NUDT1: variants seen among roughly 807,000 people sequenced by gnomAD.
NUDT1 encodes nudix hydrolase 1, also known as oxidized purine nucleoside triphosphate hydrolase.
NUDT1 carries 16 observed loss-of-function variants against 11.3 expected under a neutral mutation model. The observed-to-expected ratio is 1.41, with a 90% CI of 0.96 to 2.15. The LOEUF (loss-of-function observed/expected upper bound fraction) is 2.15, where lower values mean the gene tolerates loss of function less well. Ranked by LOEUF, NUDT1 falls within the 30% of genes most tolerant of loss-of-function variation. NUDT1 has a pLI of 0.00. For synonymous variants in NUDT1, 101 were observed against 84.4 expected (o/e 1.20, Z -1.08); for missense variants, 234 against 208.4 (o/e 1.12, Z -0.76).
At position 2,246,740 on chromosome 7, in the gene NUDT1, A is replaced by AG. The variant is rs903801424; in HGVS notation, c.152+2021dup. 7.7e-4 allele frequency among the ~76,000 whole-genome samples: 117 copies of AG among 152,146 alleles called. 1 individual carries two copies. Among genetic ancestry groups the AG allele is most frequent in the Middle Eastern group, 3.4e-3 (1 of 294 alleles). The stretch of plus-strand genomic sequence containing the variant: ...TGGCTTGCTGTCAGACCAGGGTTTG[A>AG]GGGGGGGAACTGAGGCACAGAGCCG... On this transcript the variant is annotated intron_variant, in intron 2 of 3. Coordinates refer to ENST00000356714, the MANE Select transcript of NUDT1 (RefSeq NM_002452.4).
chr7:2,248,917 G>C (rs1205422264), intron 2 of NUDT1, among the ~76,000 whole-genome samples: 1 of 152,206 alleles, frequency 6.6e-6, no homozygotes, highest in Admixed American at 6.5e-5. Flanking sequence ...CATTTCTTAA[G>C]GGAAAAACAG....
At chr7:2,244,451 T>TTGGC in intron 1 of NUDT1, 112 bp from the exon 2 acceptor site, 1 of 981,624 alleles carries the variant, frequency 1.0e-6, no homozygotes, top group Non-Finnish European at 1.5e-6. Context: ...AGTTACAGCA[T>TTGGC]ACCCCCCCGC....
intron 3 of NUDT1, 35 bp downstream of exon 3, chr7:2,250,037 A>G: frequency 6.2e-7 from 1 of 1,608,776 alleles, no homozygotes; most frequent in South Asian, 1.1e-5. Flanking sequence ...CCTCCCCACT[A>G]TGCGGGTCCC....
At chr7:2,247,865 G>A (rs1042817331) in intron 2 of NUDT1, among the ~76,000 whole-genome samples, 3 of 152,246 alleles carry the variant, frequency 2.0e-5, no homozygotes, top group South Asian at 2.1e-4. Flanking sequence ...ACAGCCGGCC[G>A]CCAAGAGGCG....
chr7:2,247,061 T>G (rs1237459420), intron 2 of NUDT1, among the ~76,000 whole-genome samples: 1 of 152,080 alleles, frequency 6.6e-6, no homozygotes, highest in Non-Finnish European at 1.5e-5. Context: ...AGCCTCGCCC[T>G]CAGGGGATGA....
chr7:2,244,951 C>T (rs34054418), intron 2 of NUDT1, among the ~76,000 whole-genome samples: 4,142 of 152,256 alleles, frequency 0.027, 86 homozygotes, highest in Middle Eastern at 0.044. Context: ...TAGAACGGTG[C>T]GCGGTGTGCG....
At chr7:2,248,750 C>T (rs1232230691) in intron 2 of NUDT1, among the ~76,000 whole-genome samples, 1 of 152,020 alleles carries the variant, frequency 6.6e-6, no homozygotes, top group African/African-American at 2.4e-5. Context: ...CAGGGTTTTG[C>T]CATATTGCCC....
At chr7:2,247,856 C>T (rs1285433248) in intron 2 of NUDT1, among the ~76,000 whole-genome samples, 1 of 152,362 alleles carries the variant, frequency 6.6e-6, no homozygotes, top group East Asian at 1.9e-4. Flanking sequence ...AGACGAGCAA[C>T]AGCCGGCCGC....
In NUDT1 at chr7:2,242,354, C is replaced by T. The variant is rs34628340; in HGVS notation, c.-13+98C>T. On this transcript the variant is annotated intron_variant, in intron 1 of 3. Coordinates refer to ENST00000356714, the MANE Select transcript of NUDT1 (RefSeq NM_002452.4). ...GAGACTAGGGGAGCTGAGCCATGGG[C>T]TTGGGGGAGAGCGGGGCCGGGAGCT... is the stretch of plus-strand genomic sequence containing the variant. The T allele has an allele frequency of 8.9e-4, 501 of 562,020 alleles. 5 individuals are homozygous for T. The East Asian group carries it at 9.9e-3, about 11-fold the overall frequency. The allele number at this position is 562,020 out of a possible 1,614,324, so 34.8% of individuals were successfully genotyped here. A position where few individuals can be genotyped will look rare whatever the true frequency, so the allele number is the denominator to read the frequency against.
At chr7:2,245,308 G>A (rs1794727319) in intron 2 of NUDT1, among the ~76,000 whole-genome samples, 1 of 152,194 alleles carries the variant, frequency 6.6e-6, no homozygotes, top group Non-Finnish European at 1.5e-5. Flanking sequence ...AAACATCGCT[G>A]CACAGACGTT....
At chr7:2,244,412 A>G (rs1794681817) in intron 1 of NUDT1, 151 bp from the exon 2 acceptor site, 3 of 731,620 alleles carry the variant, frequency 4.1e-6, no homozygotes, top group Admixed American at 2.9e-5. Flanking sequence ...CACCTGCCAC[A>G]AGGGAAGCCA....
intron 2 of NUDT1, chr7:2,249,491 A>G: frequency 2.7e-6 from 1 of 368,978 alleles, no homozygotes; most frequent in Non-Finnish European, 5.2e-6. Context: ...GTCAGTCCCA[A>G]CCCTGCCACG....
chr7:2,242,889 C>A, intron 1 of NUDT1: 1 of 702,036 alleles, frequency 1.4e-6, no homozygotes, highest in South Asian at 1.5e-5. Flanking sequence ...GACTCCCTGC[C>A]TTATCGCAAG....
intron 1 of NUDT1, chr7:2,244,349 A>G (rs1794679585): frequency 2.0e-6 from 1 of 495,512 alleles, no homozygotes; most frequent in African/African-American, 1.9e-5. Context: ...AGCCCTGCTG[A>G]CCACTGGGTT....
At position 2,250,915 on chromosome 7, in the gene NUDT1, CAGA is replaced by C. The variant is rs768762199; in HGVS notation, c.393_395del (p.Lys132del). The C allele has an allele frequency of 1.2e-5, 20 of 1,613,990 alleles. 1 individual carries two copies. The highest frequency in any genetic ancestry group is 9.9e-5 in the South Asian group (9 of 91,088). ...CAGCTACTGGTTTCCACTCCTGCTTCAGAAGAAGAAATTCCACGGGTACTTCAA... is the reference window on the plus strand; with the variant it reads ...CAGCTACTGGTTTCCACTCCTGCTTCAGAAGAAATTCCACGGGTACTTCAA... On this transcript the variant is annotated inframe_deletion, in exon 4 of 4. Coordinates refer to ENST00000356714, the MANE Select transcript of NUDT1 (RefSeq NM_002452.4).
At chr7:2,246,442 A>G (rs1337501880) in intron 2 of NUDT1, among the ~76,000 whole-genome samples, 1 of 152,226 alleles carries the variant, frequency 6.6e-6, no homozygotes, top group Non-Finnish European at 1.5e-5. Flanking sequence ...TTGCAGAAGC[A>G]CAGAGGGCTG....
chr7:2,243,729 C>T (rs1165507363), intron 1 of NUDT1, among the ~76,000 whole-genome samples: 3 of 152,170 alleles, frequency 2.0e-5, no homozygotes, highest in Admixed American at 6.5e-5. Flanking sequence ...ACCGCGATCA[C>T]GCCACTCTCC....
Position 2,250,866 on chromosome 7 carries a change from C to G in NUDT1, c.336C>G (p.Pro112=). ...GCTGGTTCCAGCTGGATCAGATCCC[C>G]TTCAAGGACATGTGGCCCGACGACA... ...RPCWFQLDQI[P]FKDMWPDDSY... is the part of the protein sequence containing the mutation. Residue 112 remains proline (P), a synonymous_variant, in exon 4 of 4, where the codon CCC becomes CCG. Coordinates refer to ENST00000356714, the MANE Select transcript of NUDT1 (RefSeq NM_002452.4). The G allele has an allele frequency of 2.5e-6, 4 of 1,614,216 alleles. No homozygotes were observed. The highest frequency in any genetic ancestry group is 3.4e-6 in the Non-Finnish European group (4 of 1,180,040).
chr7:2,243,639 G>A (rs900123429), intron 1 of NUDT1, among the ~76,000 whole-genome samples: 15 of 152,328 alleles, frequency 9.8e-5, no homozygotes, highest in South Asian at 6.2e-4. Flanking sequence ...TGGGTGTGGC[G>A]GCTCATGCCT....
Sources: gnomAD v4.1 joint callset for allele counts (sites outside exome capture counted in the v4.1 genomes callset) on GRCh38, gnomAD v4.1.1 for gene constraint, MANE v1.5 for transcripts, NCBI Gene and HGNC (gene_info 2026-07-23, HGNC 2026-07-21) for gene names.